Variants in NBEA observed in about 807,000 individuals in gnomAD.
The protein encoded by NBEA is neurobeachin.
In NBEA, 44 loss-of-function variants were observed where a neutral mutation model predicts 343.4. The ratio of observed to expected loss-of-function variants is 0.13; its 90% CI spans 0.10 to 0.16. The LOEUF (loss-of-function observed/expected upper bound fraction) is 0.16. Ranked by LOEUF, NBEA falls within the 10% of genes least tolerant of loss-of-function variation. The pLI is 1.00. For synonymous variants in NBEA, 1,175 were observed against 1,238.7 expected (o/e 0.95, Z 1.08); for missense variants, 2,555 against 3,631.3 (o/e 0.70, Z 7.62).
chr13:35,429,811 G>GTGTGTGT (rs1315011288), intron 38 of NBEA, among the ~76,000 whole-genome samples: 1 of 143,338 alleles, frequency 7.0e-6, no homozygotes, highest in Non-Finnish European at 1.5e-5. Flanking sequence ...GTGTGTGTGT[G>GTGTGTGT]TGTGTGTGTG....
intron 26 of NBEA, among the ~76,000 whole-genome samples, chr13:35,172,178 A>C (rs1343317886): frequency 6.6e-6 from 1 of 152,052 alleles, no homozygotes. Flanking sequence ...CATAACTTTT[A>C]AAGATTATGT....
At position 35,534,331 on chromosome 13, in the gene NBEA, T is replaced by G. The variant is rs568278158; in HGVS notation, c.6586-16146T>G. Among the ~76,000 whole-genome samples, 17 of 152,310 alleles carry G rather than the reference T, an allele frequency of 1.1e-4. 1 individual carries two copies. Among genetic ancestry groups the G allele is most frequent in the African/African-American group, 4.1e-4 (17 of 41,582 alleles). On this transcript the variant is annotated intron_variant, in intron 41 of 58. Coordinates refer to ENST00000379939, the MANE Select transcript of NBEA (RefSeq NM_001385012.1). ...TTCTTCCTTCCCTCTTCCTACCTGC[T>G]GCAACTCTCTTAAGTCAGACTTCCT...
intron 1 of NBEA, among the ~76,000 whole-genome samples, chr13:35,015,478 G>A (rs890373422): frequency 1.3e-5 from 2 of 151,896 alleles, no homozygotes; most frequent in Non-Finnish European, 2.9e-5. Flanking sequence ...TTTAACAAAA[G>A]CTAACAAACA....
chr13:34,996,880 A>G (rs17051493), intron 1 of NBEA, among the ~76,000 whole-genome samples: 2,405 of 152,258 alleles, frequency 0.016, 68 homozygotes, highest in African/African-American at 0.049. Context: ...AAAAATTGCC[A>G]GTAATCTCAT....
chr13:35,646,115 C>A, intron 50 of NBEA, 144 bp from the exon 51 acceptor site: 1 of 726,522 alleles, frequency 1.4e-6, no homozygotes, highest in South Asian at 1.8e-5. Context: ...TTGGATGATT[C>A]TGCACCCTGA....
Position 35,162,365 on chromosome 13 carries a change from G to A in NBEA, c.4079+398G>A, listed in dbSNP as rs140495375. 1.1e-4 allele frequency among the ~76,000 whole-genome samples: 17 copies of A among 152,252 alleles called. No individual in the cohort carries two copies. In the East Asian group the frequency reaches 3.1e-3, roughly 28 times the overall value. ...TAGGCATGAATACAATTAGGAAGTC[G>A]ATGGATATAAGTAGCAAGGGCAACT... On this transcript the variant is annotated intron_variant, in intron 23 of 58. Coordinates refer to ENST00000379939, the MANE Select transcript of NBEA (RefSeq NM_001385012.1).
Position 35,654,930 on chromosome 13 carries a change from T to C in NBEA, c.8111T>C (p.Phe2704Ser), listed in dbSNP as rs1026420021. Residue 2704 changes from phenylalanine (F) to serine (S), a missense_variant, in exon 54 of 59, where the codon TTT becomes TCT. This residue lies in a region of NBEA where 39 missense variants were observed against 37.9 expected (regional missense o/e 1.03). Coordinates refer to ENST00000379939, the MANE Select transcript of NBEA (RefSeq NM_001385012.1). ...DQSIQINAHC[F>S]VVTADNRYIL... ...AGTATACAAATCAATGCACATTGTT[T>C]TGTGGTAACAGCAGATAATCGCTAT... 23 of 1,590,608 alleles carry C rather than the reference T, an allele frequency of 1.4e-5. No individual in the cohort carries two copies. Among genetic ancestry groups the C allele is most frequent in the African/African-American group, 1.4e-5 (1 of 73,424 alleles).
At chr13:35,091,505 G>GT (rs551393015) in intron 10 of NBEA, among the ~76,000 whole-genome samples, 35 of 152,020 alleles carry the variant, frequency 2.3e-4, no homozygotes, top group Non-Finnish European at 4.0e-4. Context: ...AGAATTATCT[G>GT]TTTTCACAGA....
intron 11 of NBEA, among the ~76,000 whole-genome samples, chr13:35,104,203 TC>T (rs1377853606): frequency 6.6e-6 from 1 of 151,930 alleles, no homozygotes; most frequent in African/African-American, 2.4e-5. Flanking sequence ...ATTCTATGCT[TC>T]ATTCAGGATT....
chr13:35,271,024 G>A lies in NBEA; in HGVS notation c.5777-19365G>A, dbSNP rs865901983. 4.6e-5 allele frequency among the ~76,000 whole-genome samples: 7 copies of A among 152,348 alleles called. 1 individual carries two copies. In the Middle Eastern group the frequency reaches 0.02, roughly 444 times the overall value. ...CCCCCCAGCATGGCATTTGAGCTCCGATAACGGACAGACTGCCTCCTCAAG... is the reference window on the plus strand; with the variant it reads ...CCCCCCAGCATGGCATTTGAGCTCCAATAACGGACAGACTGCCTCCTCAAG... On this transcript the variant is annotated intron_variant, in intron 34 of 58. Coordinates refer to ENST00000379939, the MANE Select transcript of NBEA (RefSeq NM_001385012.1).
intron 30 of NBEA, chr13:35,185,482 T>G (rs541664663): frequency 6.6e-6 from 1 of 152,214 alleles, no homozygotes; most frequent in African/African-American, 2.4e-5. Flanking sequence ...TTTTTCAACC[T>G]CACTGCTGGC....
rs187184903 is a variant in NBEA at position 35,589,452 on chromosome 13, A to G, written c.7177-3876A>G. ...CCCTTTGTATTTTATTATGCTTCCA[A>G]TCACTTCAAATATACATCTTTTCTT... On this transcript the variant is annotated intron_variant, in intron 46 of 58. Transcript: ENST00000379939. Among the ~76,000 whole-genome samples the G allele has an allele frequency of 4.2e-3, 635 of 152,180 alleles. 2 individuals carry two copies. The highest frequency in any genetic ancestry group is 5.6e-3 in the Non-Finnish European group (382 of 67,984).
intron 17 of NBEA, among the ~76,000 whole-genome samples, chr13:35,124,681 C>CAT (rs112878210): frequency 0.034 from 5,097 of 150,396 alleles, 134 homozygotes; most frequent in South Asian, 0.075. Flanking sequence ...TATATATACA[C>CAT]ATGTATGGAT....
At chr13:35,233,083 G>A (rs1193910597) in intron 34 of NBEA, among the ~76,000 whole-genome samples, 3 of 152,086 alleles carry the variant, frequency 2.0e-5, no homozygotes, top group Non-Finnish European at 4.4e-5. Context: ...TGAACCCATT[G>A]TCTCCTCAAC....
At chr13:35,477,793 TG>T (rs539400763) in intron 41 of NBEA, among the ~76,000 whole-genome samples, 229 of 152,322 alleles carry the variant, frequency 1.5e-3, no homozygotes, top group African/African-American at 5.1e-3. Context: ...TGCAGTTATC[TG>T]GGGGGTTTTT....
chr13:35,061,677 C>A (rs192247777), intron 8 of NBEA, among the ~76,000 whole-genome samples: 40 of 151,692 alleles, frequency 2.6e-4, no homozygotes, highest in African/African-American at 9.7e-4. Flanking sequence ...TAATAAAGTT[C>A]TAACTGATAA....
At chr13:35,277,758 T>C (rs998018734) in intron 34 of NBEA, among the ~76,000 whole-genome samples, 2 of 151,738 alleles carry the variant, frequency 1.3e-5, no homozygotes, top group Non-Finnish European at 2.9e-5. Flanking sequence ...CTAGTCATTC[T>C]TGAAAAAAAT....
chr13:35,120,934 TG>T (rs2066760584), intron 16 of NBEA, among the ~76,000 whole-genome samples: 1 of 152,182 alleles, frequency 6.6e-6, no homozygotes, highest in Non-Finnish European at 1.5e-5. Flanking sequence ...AGATGTGTGA[TG>T]GACCTAGACA....
intron 18 of NBEA, among the ~76,000 whole-genome samples, chr13:35,145,405 T>C (rs1453132172): frequency 6.6e-6 from 1 of 152,194 alleles, no homozygotes; most frequent in African/African-American, 2.4e-5. Context: ...GTCTGGGCCC[T>C]GGGTGGAGAG....
Sources: gnomAD v4.1 joint callset for allele counts (sites outside exome capture counted in the v4.1 genomes callset) on GRCh38, gnomAD v4.1.1 for gene constraint, gnomAD v4.1.1 regional missense constraint, MANE v1.5 for transcripts, NCBI Gene and HGNC (gene_info 2026-07-23, HGNC 2026-07-21) for gene names.